Variants in LMBRD1 observed in about 807,000 individuals in gnomAD.
LMBRD1 encodes lysosomal cobalamin transport escort protein LMBD1.
A neutral mutation model predicts 74.8 loss-of-function variants in LMBRD1; 64 were observed. The observed-to-expected ratio is 0.86, with a 90% CI of 0.70 to 1.05. The LOEUF (loss-of-function observed/expected upper bound fraction) is 1.05, where lower values mean the gene tolerates loss of function less well. Ranked by LOEUF, LMBRD1 falls within the 50% of genes least tolerant of loss-of-function variation. The pLI is 0.00. For synonymous variants in LMBRD1, 204 were observed against 216.3 expected (o/e 0.94, Z 0.50); for missense variants, 652 against 645.9 (o/e 1.01, Z -0.10).
chr6:69,720,588 A>AT (rs1194074567), intron 7 of LMBRD1, among the ~76,000 whole-genome samples: 1 of 152,054 alleles, frequency 6.6e-6, no homozygotes, highest in African/African-American at 2.4e-5. Flanking sequence ...TATTTGGTAT[A>AT]TTTTTTGGAC....
chr6:69,795,978 GAA>G (rs1766216708), intron 1 of LMBRD1, among the ~76,000 whole-genome samples: 1 of 152,206 alleles, frequency 6.6e-6, no homozygotes, highest in African/African-American at 2.4e-5. Context: ...CGGACGATGA[GAA>G]AAGAGAAGAT....
At chr6:69,792,302 C>T (rs1207925215) in intron 1 of LMBRD1, among the ~76,000 whole-genome samples, 1 of 152,196 alleles carries the variant, frequency 6.6e-6, no homozygotes, top group Admixed American at 6.5e-5. Flanking sequence ...GAGATCCCAC[C>T]AGTGTTTGGG....
At chr6:69,687,246 A>AATATATT (rs1765782175) in intron 14 of LMBRD1, among the ~76,000 whole-genome samples, 1 of 152,104 alleles carries the variant, frequency 6.6e-6, no homozygotes, top group South Asian at 2.1e-4. Context: ...AAGTCATGTC[A>AATATATT]CCTTCCCAGT....
intron 9 of LMBRD1, among the ~76,000 whole-genome samples, chr6:69,711,376 C>T (rs1766379851): frequency 6.6e-6 from 1 of 152,126 alleles, no homozygotes; most frequent in East Asian, 1.9e-4. Context: ...GATGCCCTAT[C>T]TATCTATATT....
At chr6:69,778,160 T>A (rs1048673769) in intron 3 of LMBRD1, among the ~76,000 whole-genome samples, 6 of 152,230 alleles carry the variant, frequency 3.9e-5, no homozygotes, top group Non-Finnish European at 8.8e-5. Flanking sequence ...TTTCAATTCA[T>A]AATCTGGCTT....
intron 3 of LMBRD1, among the ~76,000 whole-genome samples, chr6:69,759,863 T>A (rs1765340744): frequency 6.6e-6 from 1 of 152,140 alleles, no homozygotes; most frequent in South Asian, 2.1e-4. Context: ...AACTGAAAGT[T>A]ACTTGAAGCA....
intron 3 of LMBRD1, among the ~76,000 whole-genome samples, chr6:69,774,865 G>C (rs1765656009): frequency 6.6e-6 from 1 of 151,144 alleles, no homozygotes; most frequent in Admixed American, 6.6e-5. Flanking sequence ...GGCCAAGGTG[G>C]GAGTACTGCT....
intron 5 of LMBRD1, among the ~76,000 whole-genome samples, chr6:69,744,307 G>T (rs1405231616): frequency 6.6e-6 from 1 of 152,068 alleles, no homozygotes; most frequent in Non-Finnish European, 1.5e-5. Flanking sequence ...TCCATTATTG[G>T]AATACTAAGC....
chr6:69,767,705 T>G (rs1315462019), intron 3 of LMBRD1, among the ~76,000 whole-genome samples: 1 of 151,918 alleles, frequency 6.6e-6, no homozygotes, highest in Non-Finnish European at 1.5e-5. Flanking sequence ...ATTTTTAAGT[T>G]CATCAGTATT....
At chr6:69,703,311 A>G (rs1184327465) in intron 9 of LMBRD1, among the ~76,000 whole-genome samples, 2 of 151,988 alleles carry the variant, frequency 1.3e-5, no homozygotes, top group Non-Finnish European at 2.9e-5. Context: ...TAGGATTCTC[A>G]AGTGAAAAAC....
chr6:69,757,003 C>G (rs955679900), intron 3 of LMBRD1, among the ~76,000 whole-genome samples: 1 of 152,182 alleles, frequency 6.6e-6, no homozygotes, highest in South Asian at 2.1e-4. Flanking sequence ...GCTGCATTAA[C>G]TCTTTTACAA....
intron 7 of LMBRD1, among the ~76,000 whole-genome samples, chr6:69,734,156 T>A (rs907761499): frequency 2.0e-5 from 3 of 152,170 alleles, no homozygotes. Flanking sequence ...GGAAGTTGGA[T>A]CTTAGTGGGC....
intron 9 of LMBRD1, among the ~76,000 whole-genome samples, chr6:69,711,413 A>AT (rs1424984147): frequency 6.6e-6 from 1 of 152,160 alleles, no homozygotes; most frequent in African/African-American, 2.4e-5. Context: ...TACACTTAGT[A>AT]AAGTTGATTT....
At chr6:69,716,545 A>AG (rs1332569988) in intron 8 of LMBRD1, among the ~76,000 whole-genome samples, 1 of 152,148 alleles carries the variant, frequency 6.6e-6, no homozygotes, top group Admixed American at 6.6e-5. Flanking sequence ...TTATTAAATG[A>AG]GAAAAAAAGG....
chr6:69,703,215 T>TAA (rs1227367177), intron 9 of LMBRD1, among the ~76,000 whole-genome samples: 1 of 152,054 alleles, frequency 6.6e-6, no homozygotes, highest in African/African-American at 2.4e-5. Flanking sequence ...GTAGAGGGTA[T>TAA]AAAGGAGTTA....
chr6:69,747,215 G>A (rs1767255831), intron 5 of LMBRD1, among the ~76,000 whole-genome samples: 1 of 152,152 alleles, frequency 6.6e-6, no homozygotes, highest in Non-Finnish European at 1.5e-5. Flanking sequence ...AGAGACACCA[G>A]AGAGTGCTCC....
At chr6:69,681,656 G>A (rs1765665362) in intron 14 of LMBRD1, among the ~76,000 whole-genome samples, 1 of 151,796 alleles carries the variant, frequency 6.6e-6, no homozygotes, top group African/African-American at 2.4e-5. Context: ...GAACACTCAT[G>A]TAACATGGAG....
chr6:69,724,139 AAGT>A (rs1418522976), intron 7 of LMBRD1, among the ~76,000 whole-genome samples: 1 of 151,916 alleles, frequency 6.6e-6, no homozygotes, highest in Non-Finnish European at 1.5e-5. Context: ...GACCAGTAAT[AAGT>A]AACGAGTAAC....
intron 7 of LMBRD1, among the ~76,000 whole-genome samples, chr6:69,726,549 A>C (rs1766739700): frequency 1.3e-5 from 2 of 152,230 alleles, no homozygotes; most frequent in African/African-American, 2.4e-5. Flanking sequence ...TTCAGCCATA[A>C]GAAGAGTAAG....
Sources: allele counts gnomAD v4.1 joint callset (sites outside exome capture counted in the v4.1 genomes callset), GRCh38; gene constraint gnomAD v4.1.1; transcripts MANE v1.5; gene names NCBI Gene and HGNC (gene_info 2026-07-23, HGNC 2026-07-21).